FAM3C: variants seen among roughly 807,000 people sequenced by gnomAD.
The protein encoded by FAM3C is protein FAM3C.
Under a neutral mutation model 32.5 loss-of-function variants are expected in FAM3C, and 15 were observed. The observed-to-expected ratio is 0.46, with a 90% CI of 0.31 to 0.71. The LOEUF (loss-of-function observed/expected upper bound fraction) is 0.71. Among genes scored for constraint, FAM3C ranks in the 30% least tolerant of loss-of-function variants. The pLI is 0.05. For synonymous variants in FAM3C, 75 were observed against 86.1 expected (o/e 0.87, Z 0.72); for missense variants, 175 against 274.4 (o/e 0.64, Z 2.56).
At chr7:121,379,277 T>A (rs1794302589) in intron 2 of FAM3C, among the ~76,000 whole-genome samples, 1 of 152,210 alleles carries the variant, frequency 6.6e-6, no homozygotes, top group South Asian at 2.1e-4. Flanking sequence ...GCAAAAAAAT[T>A]ACCTATTAGT....
chr7:121,373,888 C>T (rs1239188706), intron 3 of FAM3C, among the ~76,000 whole-genome samples: 7 of 149,426 alleles, frequency 4.7e-5, no homozygotes, highest in Admixed American at 2.0e-4. Flanking sequence ...ATTAGCCGGG[C>T]GTGGTGGTGG....
intron 3 of FAM3C, among the ~76,000 whole-genome samples, chr7:121,375,045 G>A (rs573999192): frequency 1.3e-3 from 191 of 152,150 alleles, no homozygotes; most frequent in Middle Eastern, 6.8e-3. Context: ...CCAAAATAGC[G>A]CCTTTAAGAC....
intron 5 of FAM3C, among the ~76,000 whole-genome samples, chr7:121,368,746 T>C (rs1034011729): frequency 6.6e-6 from 1 of 152,032 alleles, no homozygotes; most frequent in African/African-American, 2.4e-5. Flanking sequence ...TATCCAATCT[T>C]AGGGCCTTCG....
chr7:121,392,275 G>T (rs1794592025), intron 1 of FAM3C, among the ~76,000 whole-genome samples: 1 of 152,208 alleles, frequency 6.6e-6, no homozygotes. Context: ...AAGGAAAGAA[G>T]TTTAACTGAC....
intron 1 of FAM3C, among the ~76,000 whole-genome samples, chr7:121,395,578 T>C (rs762237411): frequency 1.3e-5 from 2 of 152,070 alleles, no homozygotes; most frequent in Non-Finnish European, 2.9e-5. Context: ...CTAGGGCCAC[T>C]AATCATCATC....
Position 121,395,562 on chromosome 7 carries a change from T to A in FAM3C, c.-42+600A>T, listed in dbSNP as rs1437308051. 2.0e-5 allele frequency among the ~76,000 whole-genome samples: 3 copies of A among 151,950 alleles called. No homozygotes were observed. The East Asian group carries it at 5.8e-4, about 29-fold the overall frequency. ...AATTGCCAATCCGTCACTCACATAT[T>A]CAGATCTAGGGCCACTAATCATCAT... On this transcript the variant is annotated intron_variant, in intron 1 of 9. Transcript: ENST00000359943.
chr7:121,356,513 G>A (rs979210088), intron 8 of FAM3C, among the ~76,000 whole-genome samples: 3 of 152,126 alleles, frequency 2.0e-5, no homozygotes, highest in African/African-American at 4.8e-5. Flanking sequence ...AATTTAGAGG[G>A]AGACCACTCT....
chr7:121,354,390 C>T (rs1793767449), intron 8 of FAM3C, among the ~76,000 whole-genome samples: 1 of 152,014 alleles, frequency 6.6e-6, no homozygotes, highest in South Asian at 2.1e-4. Context: ...CTGTGATAAA[C>T]CAGGATAGAC....
intron 1 of FAM3C, among the ~76,000 whole-genome samples, chr7:121,395,256 CATACATATA>C (rs1794662466): frequency 7.2e-6 from 1 of 138,638 alleles, no homozygotes; most frequent in African/African-American, 3.4e-5. Context: ...TATATGGATA[CATACATATA>C]TATGGATACA....
chr7:121,370,282 C>A (rs1275095921), intron 5 of FAM3C, among the ~76,000 whole-genome samples: 7 of 152,094 alleles, frequency 4.6e-5, no homozygotes, highest in African/African-American at 1.7e-4. Flanking sequence ...AGCTCAAGCC[C>A]TTAATTTTAC....
chr7:121,387,407 C>T (rs1218640930), intron 1 of FAM3C, among the ~76,000 whole-genome samples: 1 of 152,124 alleles, frequency 6.6e-6, no homozygotes, highest in Non-Finnish European at 1.5e-5. Context: ...TTCCACATGG[C>T]TTTGACAGGT....
intron 1 of FAM3C, among the ~76,000 whole-genome samples, chr7:121,393,315 G>GT (rs1562895714): frequency 6.6e-6 from 1 of 152,040 alleles, no homozygotes; most frequent in African/African-American, 2.4e-5. Flanking sequence ...AAAATTAGTC[G>GT]TGTGTGGTGG....
At chr7:121,371,099 G>A (rs1372308481) in intron 5 of FAM3C, among the ~76,000 whole-genome samples, 7 of 152,072 alleles carry the variant, frequency 4.6e-5, no homozygotes, top group African/African-American at 9.7e-5. Flanking sequence ...TAAGTGTTAC[G>A]TTCTTAGTCA....
intron 7 of FAM3C, among the ~76,000 whole-genome samples, chr7:121,361,851 G>A (rs1271239692): frequency 6.6e-6 from 1 of 152,094 alleles, no homozygotes; most frequent in African/African-American, 2.4e-5. Flanking sequence ...GCTAATTTTT[G>A]TATTTTTAGT....
intron 1 of FAM3C, among the ~76,000 whole-genome samples, chr7:121,389,658 C>T (rs1460078659): frequency 1.3e-5 from 2 of 151,912 alleles, no homozygotes; most frequent in African/African-American, 2.4e-5. Flanking sequence ...ATTGCCATTA[C>T]ATCCTACCAC....
chr7:121,362,213 G>A (rs562733482), intron 7 of FAM3C, among the ~76,000 whole-genome samples: 7 of 152,276 alleles, frequency 4.6e-5, no homozygotes, highest in South Asian at 2.1e-4. Context: ...TCCGGGCAGC[G>A]TTCTTCTTTG....
intron 1 of FAM3C, among the ~76,000 whole-genome samples, chr7:121,383,587 C>T (rs922501498): frequency 6.6e-6 from 1 of 152,098 alleles, no homozygotes; most frequent in Non-Finnish European, 1.5e-5. Flanking sequence ...TTAAGAAGTA[C>T]AGAACTGCAA....
At position 121,350,313 on chromosome 7, in the gene FAM3C, A is replaced by G; in HGVS notation, c.*148T>C. The G allele has an allele frequency of 1.5e-6, 1 of 679,992 alleles. No individual in the cohort carries two copies. Among genetic ancestry groups the G allele is most frequent in the Non-Finnish European group, 2.5e-6 (1 of 402,444 alleles). 42.1% of individuals were successfully genotyped at this position (679,992 alleles called of 1,614,324 possible). A position where few individuals can be genotyped will look rare whatever the true frequency, so the allele number is the denominator to read the frequency against. On this transcript the variant is annotated 3_prime_UTR_variant, in exon 10 of 10. Coordinates refer to ENST00000359943, the MANE Select transcript of FAM3C (RefSeq NM_014888.3). ...ACAATGCTATCTATTTACGTTAGCA[A>G]TAAATAATCCTGATATCAAAAGAGA...
At chr7:121,386,720 G>T (rs552820574) in intron 1 of FAM3C, among the ~76,000 whole-genome samples, 3 of 149,452 alleles carry the variant, frequency 2.0e-5, no homozygotes, top group Admixed American at 6.7e-5. Flanking sequence ...TATGTAATTG[G>T]TTCTGTTTTT....
Sources: allele counts gnomAD v4.1 joint callset (sites outside exome capture counted in the v4.1 genomes callset), GRCh38; gene constraint gnomAD v4.1.1; transcripts MANE v1.5; gene names NCBI Gene and HGNC (gene_info 2026-07-23, HGNC 2026-07-21).